Variants in SLC44A5 observed in about 807,000 individuals in gnomAD.
SLC44A5 encodes choline transporter-like protein 5.
Under a neutral mutation model 101.8 loss-of-function variants are expected in SLC44A5, and 57 were observed. The observed-to-expected ratio is 0.56, with a 90% CI of 0.45 to 0.70. The LOEUF is 0.70. Ranked by LOEUF, SLC44A5 falls within the 30% of genes least tolerant of loss-of-function variation. The pLI is 0.00. For missense variants in SLC44A5, 737 were observed against 853.1 expected (o/e 0.86, Z 1.70); for synonymous variants, 281 against 290.9 (o/e 0.97, Z 0.35).
At chr1:75,719,367 ACAATTTATT>A in the SLC44A5 span, among the ~76,000 whole-genome samples, 1 of 152,232 alleles carries the variant, frequency 6.6e-6, no homozygotes, top group Non-Finnish European at 1.5e-5. Flanking sequence ...TATTCCTGCT[ACAATTTATT>A]CAAATAACCA....
intron 2 of SLC44A5, among the ~76,000 whole-genome samples, chr1:75,516,741 A>G (rs1571983): frequency 0.37 from 56,495 of 152,026 alleles, 11,324 homozygotes; most frequent in African/African-American, 0.52. Context: ...ACAGTCGCCC[A>G]ACAAGTTTTG....
chr1:75,632,909 C>G, the SLC44A5 span, among the ~76,000 whole-genome samples: 1 of 152,142 alleles, frequency 6.6e-6, no homozygotes, highest in Admixed American at 6.5e-5. Context: ...ACACTTAAAA[C>G]AGTTCCCGAA....
At chr1:75,302,968 CT>C (rs1654614076) in intron 4 of SLC44A5, among the ~76,000 whole-genome samples, 1 of 152,190 alleles carries the variant, frequency 6.6e-6, no homozygotes, top group Non-Finnish European at 1.5e-5. Flanking sequence ...CTATAATTTT[CT>C]ATTTCATATT....
intron 10 of SLC44A5, among the ~76,000 whole-genome samples, chr1:75,238,098 T>C (rs1173923040): frequency 6.6e-6 from 1 of 151,880 alleles, no homozygotes; most frequent in Non-Finnish European, 1.5e-5. Flanking sequence ...TCTATACCTG[T>C]TGATAATGAA....
chr1:75,696,088 T>C, the SLC44A5 span, among the ~76,000 whole-genome samples: 1 of 152,114 alleles, frequency 6.6e-6, no homozygotes, highest in African/African-American at 2.4e-5. Flanking sequence ...CAAATGTTGG[T>C]GGCTTTAGAT....
intron 2 of SLC44A5, among the ~76,000 whole-genome samples, chr1:75,455,449 G>A (rs1486829246): frequency 6.6e-6 from 1 of 152,006 alleles, no homozygotes; most frequent in Non-Finnish European, 1.5e-5. Flanking sequence ...CTGGACATTG[G>A]CCTTGAGATA....
At chr1:75,660,597 T>C in the SLC44A5 span, among the ~76,000 whole-genome samples, 2 of 152,092 alleles carry the variant, frequency 1.3e-5, no homozygotes, top group African/African-American at 4.8e-5. Flanking sequence ...AGCAAAAAAC[T>C]AGTAGAACTG....
At chr1:75,286,677 A>G (rs186119093) in intron 5 of SLC44A5, among the ~76,000 whole-genome samples, 242 of 152,110 alleles carry the variant, frequency 1.6e-3, no homozygotes, top group Middle Eastern at 3.4e-3. Context: ...GGTAGTGAGA[A>G]ATTCTCTCAG....
At chr1:75,471,712 A>C (rs1279819959) in intron 2 of SLC44A5, among the ~76,000 whole-genome samples, 1 of 151,894 alleles carries the variant, frequency 6.6e-6, no homozygotes, top group Non-Finnish European at 1.5e-5. Flanking sequence ...CTGACTCCAG[A>C]CTGGCAGCTT....
chr1:75,459,571 C>T (rs148013776), intron 2 of SLC44A5, among the ~76,000 whole-genome samples: 62 of 152,140 alleles, frequency 4.1e-4, no homozygotes, highest in Middle Eastern at 6.8e-3. Context: ...CTCCCTTTCC[C>T]GAGAAGGAAA....
At chr1:75,374,374 T>C (rs1660428380) in intron 3 of SLC44A5, among the ~76,000 whole-genome samples, 1 of 151,950 alleles carries the variant, frequency 6.6e-6, no homozygotes, top group African/African-American at 2.4e-5. Flanking sequence ...GACCAGTAGG[T>C]CTCCAGGGAA....
chr1:75,671,118 G>A, the SLC44A5 span, among the ~76,000 whole-genome samples: 1 of 152,138 alleles, frequency 6.6e-6, no homozygotes, highest in South Asian at 2.1e-4. Flanking sequence ...GCAGATTTAG[G>A]AGTGGTTTGT....
At chr1:75,616,223 C>G in the SLC44A5 span, among the ~76,000 whole-genome samples, 2 of 151,736 alleles carry the variant, frequency 1.3e-5, no homozygotes, top group African/African-American at 4.8e-5. Flanking sequence ...CTGACCTCCC[C>G]CTTCTCCACA....
At chr1:75,388,651 C>A (rs891380260) in intron 3 of SLC44A5, among the ~76,000 whole-genome samples, 8 of 151,858 alleles carry the variant, frequency 5.3e-5, no homozygotes, top group African/African-American at 9.7e-5. Flanking sequence ...TGGTGGCGGG[C>A]GCCTGTGGTC....
the SLC44A5 span, among the ~76,000 whole-genome samples, chr1:75,621,519 T>C: frequency 6.6e-6 from 1 of 152,158 alleles, no homozygotes; most frequent in Non-Finnish European, 1.5e-5. Context: ...GTTAGTGCAA[T>C]TGCAGTGAAA....
rs1056121371 is a variant in SLC44A5 at position 75,333,749 on chromosome 1, G to T, written c.101+5833C>A. Among the ~76,000 whole-genome samples, 8 of 152,248 alleles carry T rather than the reference G, an allele frequency of 5.3e-5. No individual in the cohort carries two copies. In the South Asian group the frequency reaches 1.7e-3, roughly 32 times the overall value. ...ATTGATGAGGGCTCTGGAAAAAGGA[G>T]AGTGTGTCTAGTACTGATAGGAGTA... On this transcript the variant is annotated intron_variant, in intron 4 of 23. Transcript: ENST00000370859.
At chr1:75,432,409 TACATGCTCTAA>T (rs1475414495) in intron 2 of SLC44A5, among the ~76,000 whole-genome samples, 1 of 152,194 alleles carries the variant, frequency 6.6e-6, no homozygotes, top group Non-Finnish European at 1.5e-5. Context: ...GCAAGACTAG[TACATGCTCTAA>T]ACACTGTCAT....
At chr1:75,410,130 T>C (rs947461714) in intron 2 of SLC44A5, among the ~76,000 whole-genome samples, 2 of 152,280 alleles carry the variant, frequency 1.3e-5, no homozygotes, top group Admixed American at 6.5e-5. Context: ...ATATGTTATA[T>C]ATGTTACACA....
Position 75,353,812 on chromosome 1 carries a change from G to A in SLC44A5, c.53-14182C>T, listed in dbSNP as rs1350450772. On this transcript the variant is annotated intron_variant, in intron 3 of 23. Coordinates refer to ENST00000370859, the MANE Select transcript of SLC44A5 (RefSeq NM_001130058.2). ...GCAGGATTAATATGTACACTTCTAAGCAATTTCTAGTCACTTGGTTGCTTC... is the reference window on the plus strand; with the variant it reads ...GCAGGATTAATATGTACACTTCTAAACAATTTCTAGTCACTTGGTTGCTTC... 2.0e-5 allele frequency among the ~76,000 whole-genome samples: 3 copies of A among 152,320 alleles called. No homozygotes were observed. The East Asian group carries it at 5.8e-4, about 29-fold the overall frequency.
Sources: allele counts gnomAD v4.1 joint callset (sites outside exome capture counted in the v4.1 genomes callset), GRCh38; gene constraint gnomAD v4.1.1; transcripts MANE v1.5; gene names NCBI Gene and HGNC (gene_info 2026-07-23, HGNC 2026-07-21).